ITGB6: variants seen among roughly 807,000 people sequenced by gnomAD.
ITGB6 encodes the protein integrin beta-6.
Under a neutral mutation model 84.5 loss-of-function variants are expected in ITGB6, and 80 were observed. The observed-to-expected ratio is 0.95, with a 90% confidence interval of 0.79 to 1.14. The LOEUF is 1.14. Ranked by LOEUF, ITGB6 falls within the 50% of genes most tolerant of loss-of-function variation. ITGB6 has a pLI of 0.00. For missense variants in ITGB6, 1,006 were observed against 968.0 expected (o/e 1.04, Z -0.52); for synonymous variants, 383 against 354.9 (o/e 1.08, Z -0.89).
chr2:160,117,670 A>C (rs968415410), intron 12 of ITGB6, among the ~76,000 whole-genome samples: 7 of 152,206 alleles, frequency 4.6e-5, no homozygotes, highest in African/African-American at 1.7e-4. Context: ...AAATCAGAGC[A>C]GAACTGAAGG....
chr2:160,196,397 A>C lies in ITGB6; in HGVS notation c.165T>G (p.Val55=). 1 of 1,613,834 alleles carries C rather than the reference A, an allele frequency of 6.2e-7. No individual in the cohort carries two copies. The highest frequency in any genetic ancestry group is 8.5e-7 in the Non-Finnish European group (1 of 1,179,784). The part of the protein sequence containing the change: ...AQENFTHPSG[V]GERCDTPANL... Reference sequence around the variant, plus strand: ...TTGCTGGGGTATCACACCTTTCGCCAACTCCAGATGGATGAGTAAAATTCT... The same window carrying C: ...TTGCTGGGGTATCACACCTTTCGCCCACTCCAGATGGATGAGTAAAATTCT... Residue 55 remains valine (V), a synonymous_variant, in exon 3 of 15, where the codon GTT becomes GTG. Coordinates refer to ENST00000283249, the MANE Select transcript of ITGB6 (RefSeq NM_000888.5).
In ITGB6 at chr2:160,115,906, G is replaced by GCATC. The variant is rs555182338; in HGVS notation, c.1982-3711_1982-3708dup. ...CTGATGCGATCAACTGGAAGAAAGG[G>GCATC]CATCAGTGATGGAAGATGAAATGAA... On this transcript the variant is annotated intron_variant, in intron 12 of 14. Coordinates refer to ENST00000283249, the MANE Select transcript of ITGB6 (RefSeq NM_000888.5). Among the ~76,000 whole-genome samples the GCATC allele has an allele frequency of 1.9e-4, 29 of 151,658 alleles. No homozygotes were observed. In the East Asian group the frequency reaches 5.4e-3, roughly 28 times the overall value.
chr2:160,147,468 T>C (rs1375425533), intron 7 of ITGB6, among the ~76,000 whole-genome samples: 2 of 152,236 alleles, frequency 1.3e-5, no homozygotes. Flanking sequence ...ATTTTGTGGA[T>C]ATGAACAAAC....
intron 12 of ITGB6, among the ~76,000 whole-genome samples, chr2:160,121,910 G>A (rs1366869754): frequency 1.3e-5 from 2 of 150,568 alleles, no homozygotes; most frequent in East Asian, 1.9e-4. Flanking sequence ...TACTCCTGGG[G>A]AGTAAAATAC....
In ITGB6 at chr2:160,101,168, T is replaced by C. The variant is rs1463282875; in HGVS notation, c.*568A>G. 1.3e-5 allele frequency: 2 copies of C among 152,428 alleles called. No individual in the cohort carries two copies. The highest frequency in any genetic ancestry group is 2.9e-5 in the Non-Finnish European group (2 of 68,210). The allele number at this position is 152,428 out of a possible 1,614,324, so 9.4% of individuals were successfully genotyped here. On this transcript the variant is annotated 3_prime_UTR_variant, in exon 15 of 15. Coordinates refer to ENST00000283249, the MANE Select transcript of ITGB6 (RefSeq NM_000888.5). The stretch of plus-strand genomic sequence containing the variant: ...ACTTAACGTTTAGGTGTGTATAAAT[T>C]CACAAAAATTATTAACACTTAACTT...
intron 4 of ITGB6, among the ~76,000 whole-genome samples, chr2:160,181,984 A>C (rs1685697065): frequency 6.6e-6 from 1 of 152,202 alleles, no homozygotes; most frequent in African/African-American, 2.4e-5. Flanking sequence ...ACCCCATCCG[A>C]AGGTTACCAA....
chr2:160,176,864 T>A (rs796467703), intron 4 of ITGB6, among the ~76,000 whole-genome samples: 8 of 152,326 alleles, frequency 5.3e-5, no homozygotes, highest in African/African-American at 1.9e-4. Flanking sequence ...TGAATCATAG[T>A]TTATTTGATC....
At chr2:160,107,371 A>G (rs1696949121) in intron 14 of ITGB6, among the ~76,000 whole-genome samples, 1 of 151,394 alleles carries the variant, frequency 6.6e-6, no homozygotes, top group African/African-American at 2.5e-5. Flanking sequence ...GGATACTCCT[A>G]GTGGTGAGGA....
intron 12 of ITGB6, among the ~76,000 whole-genome samples, chr2:160,117,221 G>A (rs1397084115): frequency 6.6e-6 from 1 of 151,994 alleles, no homozygotes; most frequent in Non-Finnish European, 1.5e-5. Context: ...ATTTTTTTCA[G>A]CACCACACCA....
chr2:160,167,941 A>T (rs79764221), intron 7 of ITGB6, among the ~76,000 whole-genome samples: 2,255 of 152,148 alleles, frequency 0.015, 31 homozygotes, highest in South Asian at 0.058. Context: ...ACTAGCCTTA[A>T]GGATCAAAGG....
intron 3 of ITGB6, 151 bp downstream of exon 3, chr2:160,196,065 G>T: frequency 1.4e-6 from 1 of 702,930 alleles, no homozygotes; most frequent in Non-Finnish European, 2.4e-6. Context: ...AGAGAAATGT[G>T]TGAGCCTAAT....
chr2:160,173,343 C>T (rs772622508), intron 5 of ITGB6, among the ~76,000 whole-genome samples: 1 of 152,184 alleles, frequency 6.6e-6, no homozygotes, highest in Non-Finnish European at 1.5e-5. Context: ...TGGGTAAAAA[C>T]GCATCCTGGC....
intron 12 of ITGB6, among the ~76,000 whole-genome samples, chr2:160,114,370 G>C (rs902325687): frequency 6.6e-6 from 1 of 152,168 alleles, no homozygotes; most frequent in African/African-American, 2.4e-5. Flanking sequence ...CTTTGTGAAT[G>C]TCTACAGTGC....
At chr2:160,168,561 A>T (rs1378134509) in intron 7 of ITGB6, among the ~76,000 whole-genome samples, 6 of 152,160 alleles carry the variant, frequency 3.9e-5, no homozygotes. Context: ...AAACCACAGA[A>T]ATCTTTTGTA....
At chr2:160,168,099 G>C (rs546799297) in intron 7 of ITGB6, among the ~76,000 whole-genome samples, 1 of 152,334 alleles carries the variant, frequency 6.6e-6, no homozygotes, top group South Asian at 2.1e-4. Flanking sequence ...GCTCTGCGTA[G>C]AACACAGGTT....
chr2:160,137,966 G>A (rs1358393513), intron 9 of ITGB6, 99 bp downstream of exon 9: 12 of 1,526,546 alleles, frequency 7.9e-6, no homozygotes, highest in Non-Finnish European at 9.7e-6. Flanking sequence ...TTTGAAAATT[G>A]CTTTTAAAAT....
chr2:160,120,958 C>T lies in ITGB6; in HGVS notation c.1981+2833G>A, dbSNP rs1164767287. On this transcript the variant is annotated intron_variant, in intron 12 of 14. Transcript: ENST00000283249. ...ATAGCATTAGGAGATATACCTAATG[C>T]TAAATGACGAGTTAATGGGTGCAGC... 2.0e-4 allele frequency among the ~76,000 whole-genome samples: 29 copies of T among 147,754 alleles called. No homozygotes were observed. The Admixed American group carries it at 2.0e-3, about 10-fold the overall frequency.
intron 10 of ITGB6, among the ~76,000 whole-genome samples, chr2:160,135,884 A>G (rs1683692571): frequency 6.6e-6 from 1 of 152,164 alleles, no homozygotes; most frequent in Non-Finnish European, 1.5e-5. Flanking sequence ...CCTTCCTTAC[A>G]CCTTATACTA....
chr2:160,179,639 C>T (rs1685581353), intron 4 of ITGB6, among the ~76,000 whole-genome samples: 1 of 151,210 alleles, frequency 6.6e-6, no homozygotes, highest in Non-Finnish European at 1.5e-5. Context: ...GTGATCTGCC[C>T]ACCTCGGCCT....
Sources: allele counts gnomAD v4.1 joint callset (sites outside exome capture counted in the v4.1 genomes callset), GRCh38; gene constraint gnomAD v4.1.1; transcripts MANE v1.5; gene names NCBI Gene and HGNC (gene_info 2026-07-23, HGNC 2026-07-21).